Variants in UCHL1 observed in about 807,000 individuals in gnomAD.
UCHL1 encodes ubiquitin carboxyl-terminal hydrolase isozyme L1.
In UCHL1, 5 loss-of-function variants were observed where a neutral mutation model predicts 33.3. The ratio of observed to expected loss-of-function variants is 0.15; its 90% CI spans 0.08 to 0.32. UCHL1 has a LOEUF of 0.32. Ranked by LOEUF, UCHL1 falls within the 10% of genes least tolerant of loss-of-function variation. UCHL1 has a pLI of 1.00. For synonymous variants in UCHL1, 132 were observed against 108.8 expected, an observed-to-expected ratio of 1.21 and a Z score of -1.33; for missense variants, 236 against 280.0, an observed-to-expected ratio of 0.84 and a Z score of 1.12.
intron 8 of UCHL1, 92 bp downstream of exon 8, chr4:41,264,253 C>T: frequency 1.3e-6 from 2 of 1,514,160 alleles, no homozygotes; most frequent in Non-Finnish European, 1.8e-6. Context: ...CCAGTATAGC[C>T]AGCATCAGTT....
chr4:41,262,805 C>G (rs974926734), intron 6 of UCHL1, among the ~76,000 whole-genome samples: 3 of 152,086 alleles, frequency 2.0e-5, no homozygotes, highest in Non-Finnish European at 4.4e-5. Flanking sequence ...GGGGTTTCAC[C>G]ATGTTGTTCA....
Position 41,257,731 on chromosome 4 carries a change from G to C in UCHL1, c.168G>C (p.Thr56=), listed in dbSNP as rs749516843. Residue 56 remains threonine, a synonymous_variant, in exon 3 of 9, where the codon ACG becomes ACC. Transcript: ENST00000284440. ...ACALLLLFPL[T]AQHENFRKKQ... ...CGCTGCTGCTGCTGTTTCCCCTCACGGCCCAGGTAGGGCGTGGGGCCCAGG... is the reference window on the plus strand; with the variant it reads ...CGCTGCTGCTGCTGTTTCCCCTCACCGCCCAGGTAGGGCGTGGGGCCCAGG... 10 of 1,576,232 alleles carry C rather than the reference G, an allele frequency of 6.3e-6. No individual in the cohort carries two copies. The African/African-American group carries it at 1.1e-4, about 17-fold the overall frequency.
At chr4:41,267,164 A>G (rs1781166635) in intron 8 of UCHL1, among the ~76,000 whole-genome samples, 1 of 152,088 alleles carries the variant, frequency 6.6e-6, no homozygotes, top group African/African-American at 2.4e-5. Context: ...AACGCATGTC[A>G]CTTCACCATC....
At chr4:41,261,449 A>C (rs991331658) in intron 4 of UCHL1, among the ~76,000 whole-genome samples, 3 of 152,114 alleles carry the variant, frequency 2.0e-5, no homozygotes, top group African/African-American at 7.2e-5. Flanking sequence ...GGTGGGAGGG[A>C]AAAAGGGGTC....
chr4:41,259,454 A>AGTTGTGT (rs1242424105), intron 3 of UCHL1, among the ~76,000 whole-genome samples: 43 of 152,348 alleles, frequency 2.8e-4, no homozygotes, highest in African/African-American at 1.0e-3. Flanking sequence ...TTACTGGTCA[A>AGTTGTGT]TGAATACTAA....
intron 3 of UCHL1, among the ~76,000 whole-genome samples, chr4:41,258,815 C>G (rs1020776694): frequency 3.3e-5 from 5 of 152,204 alleles, no homozygotes; most frequent in Non-Finnish European, 5.9e-5. Context: ...ATAAGATGAT[C>G]TCACTGACAT....
At chr4:41,257,229 G>A in intron 2 of UCHL1, 103 bp downstream of exon 2, 2 of 1,575,376 alleles carry the variant, frequency 1.3e-6, no homozygotes, top group Non-Finnish European at 8.6e-7. Flanking sequence ...CGCCCGCTGC[G>A]AGCACCGGAG....
Position 41,257,592 on chromosome 4 carries a change from T to C in UCHL1, c.46-17T>C. The C allele has an allele frequency of 6.6e-7, 1 of 1,509,366 alleles. No individual in the cohort carries two copies. The highest frequency in any genetic ancestry group is 8.8e-7 in the Non-Finnish European group (1 of 1,136,376). 93.5% of individuals were successfully genotyped at this position (1,509,366 alleles called of 1,614,324 possible). A position where few individuals can be genotyped will look rare whatever the true frequency, so the allele number is the denominator to read the frequency against. On this transcript the variant is annotated splice_polypyrimidine_tract_variant and intron_variant, in intron 2 of 8. Transcript: ENST00000284440. ...GCGTGTCCCCGTGCGCCTGGCCGCCTTGTCTCCTCTCCGCAGGTGCTGTCC... is the reference window on the plus strand; with the variant it reads ...GCGTGTCCCCGTGCGCCTGGCCGCCCTGTCTCCTCTCCGCAGGTGCTGTCC...
At chr4:41,257,930 T>C (rs868571752) in intron 3 of UCHL1, among the ~76,000 whole-genome samples, 193 bp downstream of exon 3, 3 of 152,218 alleles carry the variant, frequency 2.0e-5, no homozygotes, top group Non-Finnish European at 2.9e-5. Context: ...GTCGCCTTCT[T>C]GCCCATCCGT....
At chr4:41,262,258 T>G (rs921633623) in intron 6 of UCHL1, among the ~76,000 whole-genome samples, 2 of 152,038 alleles carry the variant, frequency 1.3e-5, no homozygotes, top group Non-Finnish European at 2.9e-5. Flanking sequence ...GCCCAGGAGT[T>G]TGAGACCAGC....
At position 41,261,663 on chromosome 4, in the gene UCHL1, G is replaced by A. The variant is rs992319581; in HGVS notation, c.326-52G>A. The A allele has an allele frequency of 5.1e-6, 8 of 1,573,884 alleles. 1 individual carries two copies. ...AAAGGCTTAAGTCAACAATAAATATGTACCCACTTGTATTATTTTACCTAT... is the reference window on the plus strand; with the variant it reads ...AAAGGCTTAAGTCAACAATAAATATATACCCACTTGTATTATTTTACCTAT... On this transcript the variant is annotated intron_variant, in intron 4 of 8. Coordinates refer to ENST00000284440, the MANE Select transcript of UCHL1 (RefSeq NM_004181.5).
Position 41,267,976 on chromosome 4 carries a change from CT to C in UCHL1, c.586-10del, listed in dbSNP as rs1385891186. ...TGCTGTTTGGATTTTAATGACATTT[CT>C]CCTTTCCAGGACGCTGCCAAGGTCT... On this transcript the variant is annotated splice_polypyrimidine_tract_variant and intron_variant, in intron 8 of 8. Transcript: ENST00000284440. The C allele has an allele frequency of 6.2e-7, 1 of 1,611,572 alleles. No individual in the cohort carries two copies. Among genetic ancestry groups the C allele is most frequent in the South Asian group, 1.1e-5 (1 of 90,294 alleles).
chr4:41,266,226 C>CTT (rs71650920), intron 8 of UCHL1, among the ~76,000 whole-genome samples: 62 of 136,740 alleles, frequency 4.5e-4, no homozygotes, highest in South Asian at 7.0e-4. Context: ...CTGGCTAAAA[C>CTT]TTTTTTTTTT....
chr4:41,263,084 G>C (rs1781099166), intron 6 of UCHL1, 141 bp from the exon 7 acceptor site: 1 of 702,910 alleles, frequency 1.4e-6, no homozygotes. Flanking sequence ...GCTTAGAATA[G>C]GGCTTAATGT....
At chr4:41,258,198 A>G (rs1781015040) in intron 3 of UCHL1, among the ~76,000 whole-genome samples, 1 of 152,148 alleles carries the variant, frequency 6.6e-6, no homozygotes, top group Admixed American at 6.5e-5. Context: ...AGGTTCGCTA[A>G]TTCTCCGCCT....
chr4:41,264,246 G>C, intron 8 of UCHL1, 85 bp downstream of exon 8: 1 of 1,551,802 alleles, frequency 6.4e-7, no homozygotes, highest in South Asian at 1.1e-5. Flanking sequence ...CACTCTTCCA[G>C]TATAGCCAGC....
Position 41,261,723 on chromosome 4 carries a change from T to C in UCHL1, c.334T>C (p.Ser112Pro). 1 of 1,612,370 alleles carries C rather than the reference T, an allele frequency of 6.2e-7. No individual in the cohort carries two copies. Among genetic ancestry groups the C allele is most frequent in the Non-Finnish European group, 8.5e-7 (1 of 1,180,002 alleles). Residue 112 changes from serine to proline, a missense_variant, in exon 5 of 9, where the codon TCA becomes CCA. By Grantham distance (74) the Ser-to-Pro change is moderately conservative (BLOSUM62 -1). Coordinates refer to ENST00000284440, the MANE Select transcript of UCHL1 (RefSeq NM_004181.5). ...NQDKLGFEDGSVLKQFLSETE... is the reference protein window; with the variant it reads ...NQDKLGFEDGPVLKQFLSETE... ...TCCATTTTTTTTTTAAGAGGATGGA[T>C]CAGTTCTGAAACAGTTTCTTTCTGA...
At chr4:41,261,979 T>C (rs1781076207) in intron 6 of UCHL1, 56 bp downstream of exon 6, 5 of 1,601,092 alleles carry the variant, frequency 3.1e-6, no homozygotes, top group Non-Finnish European at 1.7e-6. Flanking sequence ...GTGTTTCTAC[T>C]GAAATTGTGC....
In UCHL1 at chr4:41,268,028, A is replaced by G. The variant is rs540101531; in HGVS notation, c.627A>G (p.Gln209=). The change falls in exon 9 of 9, where the codon CAA becomes CAG. Residue 209 remains glutamine, a synonymous_variant. Transcript: ENST00000284440. ...KVCREFTERE[Q]GEVRFSAVAL... is the part of the protein sequence containing the mutation. ...GCAGAGAATTCACCGAGCGTGAGCA[A>G]GGAGAAGTCCGCTTCTCTGCCGTGG... The G allele has an allele frequency of 8.7e-6, 14 of 1,613,740 alleles. No homozygotes were observed. Among genetic ancestry groups the G allele is most frequent in the Admixed American group, 1.7e-5 (1 of 60,008 alleles).
Sources: allele counts gnomAD v4.1 joint callset (sites outside exome capture counted in the v4.1 genomes callset), GRCh38; gene constraint gnomAD v4.1.1; transcripts MANE v1.5; gene names NCBI Gene and HGNC (gene_info 2026-07-23, HGNC 2026-07-21).